CCP110: variants seen among roughly 807,000 people sequenced by gnomAD.
The protein encoded by CCP110 is centriolar coiled-coil protein of 110 kDa.
Under a neutral mutation model 105.5 loss-of-function variants are expected in CCP110, and 43 were observed. The observed-to-expected ratio is 0.41, with a 90% CI of 0.32 to 0.53. The LOEUF (loss-of-function observed/expected upper bound fraction) is 0.53, where lower values mean the gene tolerates loss of function less well. Ranked by LOEUF, CCP110 falls within the 20% of genes least tolerant of loss-of-function variation. The pLI, the probability that CCP110 is intolerant of heterozygous loss-of-function variation, is 0.32. For synonymous variants in CCP110, 353 were observed against 392.1 expected, an observed-to-expected ratio of 0.90 and a Z score of 1.18; for missense variants, 1,016 against 1,189.1, an observed-to-expected ratio of 0.85 and a Z score of 2.14.
Position 19,527,862 on chromosome 16 carries a change from T to C in CCP110, c.-15-5T>C. On this transcript the variant is annotated splice_region_variant and splice_polypyrimidine_tract_variant and intron_variant, in intron 1 of 14. Transcript: ENST00000381396. Reference sequence around the variant, plus strand: ...CATTAAAAATAACATTTTTCTCTCTTGTAGTGTGACTGTGGGAAGATGGAG... The same window carrying C: ...CATTAAAAATAACATTTTTCTCTCTCGTAGTGTGACTGTGGGAAGATGGAG... The C allele has an allele frequency of 6.2e-7, 1 of 1,607,678 alleles. No homozygotes were observed. Among genetic ancestry groups the C allele is most frequent in the Non-Finnish European group, 8.5e-7 (1 of 1,177,852 alleles).
intron 5 of CCP110, among the ~76,000 whole-genome samples, 179 bp from the exon 6 acceptor site, chr16:19,541,708 A>AGAGG (rs1387564898): frequency 6.8e-6 from 1 of 146,948 alleles, no homozygotes; most frequent in Non-Finnish European, 1.5e-5. Context: ...AGAAAAGAAA[A>AGAGG]GAGGGAGGGA....
intron 3 of CCP110, among the ~76,000 whole-genome samples, chr16:19,534,565 C>A (rs1304668631): frequency 6.6e-6 from 1 of 152,182 alleles, no homozygotes; most frequent in South Asian, 2.1e-4. Flanking sequence ...TTACTTAAAC[C>A]TGTGAACATG....
exon 4 of CCP110, chr16:19,537,294 A>T: frequency 1.9e-6 from 3 of 1,614,244 alleles, no homozygotes; most frequent in Non-Finnish European, 2.5e-6. Context: ...ACAGAACTGA[A>T]TAAGTCTTAT....
intron 2 of CCP110, among the ~76,000 whole-genome samples, chr16:19,529,975 T>C (rs1969804055): frequency 6.6e-6 from 1 of 150,656 alleles, no homozygotes; most frequent in Admixed American, 6.6e-5. Flanking sequence ...GTGGATTGCA[T>C]TGCTTGATCC....
chr16:19,534,037 G>C (rs1050006344), intron 3 of CCP110, among the ~76,000 whole-genome samples: 1 of 152,188 alleles, frequency 6.6e-6, no homozygotes, highest in Admixed American at 6.5e-5. Flanking sequence ...GTAGTATTAA[G>C]AGAATTGTTA....
In CCP110 at chr16:19,544,881, G is replaced by T. The variant is rs769893974; in HGVS notation, c.2569G>T (p.Glu857Ter). ...TTCAGCTCAAGATGCTTCACTTCAG[G>T]AAAGAGTGTTAGCTCAGGTAAATAC... Residue 857 changes from glutamate (E) to a stop codon, truncating the protein, a stop_gained, in exon 9 of 15, where the codon GAA (glutamate) becomes TAA (stop). Coordinates refer to ENST00000381396, the Ensembl canonical transcript of CCP110. LOFTEE classifies it high-confidence loss of function. 6.3e-7 allele frequency: 1 copy of T among 1,585,830 alleles called. No individual in the cohort carries two copies. Among genetic ancestry groups the T allele is most frequent in the South Asian group, 1.1e-5 (1 of 90,122 alleles).
At chr16:19,525,575 G>C (rs143693121) in intron 1 of CCP110, 30 of 152,354 alleles carry the variant, frequency 2.0e-4, no homozygotes, top group African/African-American at 5.1e-4. Context: ...TCTGGGACTA[G>C]AGCCATGGTG....
chr16:19,531,860 G>A (rs553964328), intron 2 of CCP110, among the ~76,000 whole-genome samples: 3 of 151,968 alleles, frequency 2.0e-5, no homozygotes, highest in African/African-American at 4.8e-5. Context: ...CATCTACTCC[G>A]GAGGCTGAGG....
rs747308417 is a variant in CCP110, at chr16:19,548,539, G to A, written c.2925G>A (p.Gly975=). ...GAACCCCTAAGACATCAGTGAAGGG[G>A]GTTGTGCAAAATAGACAGAAGCCTT... The change falls in exon 14 of 15, where the codon GGG becomes GGA. Residue 975 remains glycine (G), a synonymous_variant. Coordinates refer to ENST00000381396, the Ensembl canonical transcript of CCP110. This position sits in a 1 kb window ranked among gnomAD's most constrained non-coding sequence, Gnocchi z 4.1. 6.5e-7 allele frequency: 1 copy of A among 1,549,146 alleles called. No individual in the cohort carries two copies. Among genetic ancestry groups the A allele is most frequent in the South Asian group, 1.2e-5 (1 of 83,982 alleles).
At chr16:19,544,047 T>C (rs1260796701) in intron 8 of CCP110, among the ~76,000 whole-genome samples, 1 of 152,170 alleles carries the variant, frequency 6.6e-6, no homozygotes, top group African/African-American at 2.4e-5. Context: ...CCTCCCCTTT[T>C]GAAATCCTTA....
At chr16:19,527,961 C>T (rs1427054544) in exon 2 of CCP110, 2 of 1,613,644 alleles carry the variant, frequency 1.2e-6, no homozygotes, top group Non-Finnish European at 1.7e-6. Context: ...AGCTTTCTCC[C>T]TGCTCAGTCT....
chr16:19,527,960 C>T, exon 2 of CCP110: 1 of 1,613,346 alleles, frequency 6.2e-7, no homozygotes, highest in Non-Finnish European at 8.5e-7. Flanking sequence ...GAGCTTTCTC[C>T]CTGCTCAGTC....
At chr16:19,524,351 G>T (rs982737679) in intron 1 of CCP110, among the ~76,000 whole-genome samples, 1 of 152,150 alleles carries the variant, frequency 6.6e-6, no homozygotes, top group African/African-American at 2.4e-5. Context: ...GAGGAGGTGG[G>T]CATGGGGCGC....
rs534904179 is a variant in CCP110, at chr16:19,539,043, C to T, written c.1918+1456C>T. Among the ~76,000 whole-genome samples, 13 of 151,064 alleles carry T rather than the reference C, an allele frequency of 8.6e-5. No individual in the cohort carries two copies. The East Asian group carries it at 2.5e-3, about 30-fold the overall frequency. ...AGGAGAATTGGATGAACCCAGGAGG[C>T]GGAGGTTGCAGTGAGCCGAGATTGC... On this transcript the variant is annotated intron_variant, in intron 4 of 14. Transcript: ENST00000381396.
At chr16:19,540,918 C>T (rs149340877) in intron 5 of CCP110, 131 bp downstream of exon 5, 11 of 541,546 alleles carry the variant, frequency 2.0e-5, no homozygotes, top group Admixed American at 3.9e-5. Context: ...CATTTTGATA[C>T]GTGAATGGTA....
chr16:19,549,567 TGTGA>T (rs1970568933), intron 14 of CCP110, among the ~76,000 whole-genome samples: 1 of 152,192 alleles, frequency 6.6e-6, no homozygotes, highest in African/African-American at 2.4e-5. Context: ...TGGAAATCAT[TGTGA>T]GTGACAGTTA....
chr16:19,551,878 G>A (rs1413061720), exon 15 of CCP110: 1 of 152,074 alleles, frequency 6.6e-6, no homozygotes, highest in Non-Finnish European at 1.5e-5. Flanking sequence ...GAAATGTTAG[G>A]CTTCATGTAT....
At chr16:19,544,473 T>C (rs1379812661) in intron 8 of CCP110, among the ~76,000 whole-genome samples, 1 of 152,206 alleles carries the variant, frequency 6.6e-6, no homozygotes, top group Non-Finnish European at 1.5e-5. Context: ...ACTGAACATG[T>C]ACAAATTTTT....
intron 2 of CCP110, among the ~76,000 whole-genome samples, chr16:19,528,713 T>C (rs1412584539): frequency 6.6e-6 from 1 of 152,142 alleles, no homozygotes; most frequent in Non-Finnish European, 1.5e-5. Flanking sequence ...CTGGTCAACA[T>C]AGTGAGACCT....
Sources: gnomAD v4.1 joint callset for allele counts (sites outside exome capture counted in the v4.1 genomes callset) on GRCh38, gnomAD v4.1.1 for gene constraint, Gnocchi (gnomAD v3.1) non-coding constraint, MANE v1.5 for transcripts, NCBI Gene and HGNC (gene_info 2026-07-23, HGNC 2026-07-21) for gene names.